PRDM14: variants seen among roughly 807,000 people sequenced by gnomAD.
PRDM14 encodes PR/SET domain 14.
In PRDM14, 16 loss-of-function variants were observed where a neutral mutation model predicts 48.0. The ratio of observed to expected loss-of-function variants is 0.33; its 90% CI spans 0.23 to 0.51. PRDM14 has a LOEUF of 0.51. Among genes scored for constraint, PRDM14 ranks in the 20% least tolerant of loss-of-function variants. PRDM14 has a pLI of 0.97. For missense variants in PRDM14, 566 were observed against 719.6 expected, an observed-to-expected ratio of 0.79 and a Z score of 2.44; for synonymous variants, 264 against 276.6, an observed-to-expected ratio of 0.95 and a Z score of 0.45.
chr8:70,063,510 T>C (rs1366216356), intron 5 of PRDM14, among the ~76,000 whole-genome samples: 1 of 151,940 alleles, frequency 6.6e-6, no homozygotes, highest in Non-Finnish European at 1.5e-5. Context: ...TCAAATCCAT[T>C]GTTCACTTTT....
chr8:70,058,994 G>A, intron 5 of PRDM14, 152 bp from the exon 6 acceptor site: 1 of 646,064 alleles, frequency 1.5e-6, no homozygotes, highest in Non-Finnish European at 2.5e-6. Flanking sequence ...TTGCTGTATT[G>A]CCCAGTCTGT....
chr8:70,056,157 C>T (rs1257611509), intron 6 of PRDM14, among the ~76,000 whole-genome samples: 1 of 152,168 alleles, frequency 6.6e-6, no homozygotes, highest in Non-Finnish European at 1.5e-5. Context: ...TTATCTGAGA[C>T]GTGTTGAACT....
At chr8:70,061,606 A>G (rs566677489) in intron 5 of PRDM14, among the ~76,000 whole-genome samples, 1 of 152,288 alleles carries the variant, frequency 6.6e-6, no homozygotes, top group African/African-American at 2.4e-5. Context: ...TTGGTCAGAA[A>G]TACCTGGCCT....
intron 4 of PRDM14, among the ~76,000 whole-genome samples, chr8:70,067,074 C>T (rs1456359132): frequency 6.6e-6 from 1 of 152,202 alleles, no homozygotes; most frequent in Non-Finnish European, 1.5e-5. Context: ...CACTTTCTTG[C>T]TTCCCAAATT....
intron 7 of PRDM14, among the ~76,000 whole-genome samples, chr8:70,053,090 CCT>C (rs1345604279): frequency 6.3e-5 from 8 of 126,368 alleles, no homozygotes; most frequent in African/African-American, 1.2e-4. Context: ...AGAGCAAGAC[CCT>C]CTCTTTAAAA....
chr8:70,069,116 C>A, intron 2 of PRDM14, 45 bp downstream of exon 2: 1 of 1,410,966 alleles, frequency 7.1e-7, no homozygotes, highest in Non-Finnish European at 9.4e-7. Flanking sequence ...TTCCCGCCTG[C>A]ATTCCCGTCC....
rs201811227 is a variant in PRDM14, at chr8:70,058,851, C to G, written c.1184-9G>C. ...GTAGCCTTCTGCAGACTCTGTCAAA[C>G]ACAGCAAACACAATGTCTCTTCAGT... On this transcript the variant is annotated splice_polypyrimidine_tract_variant and intron_variant, in intron 5 of 7. Transcript: ENST00000276594. The G allele has an allele frequency of 6.2e-7, 1 of 1,605,752 alleles. No individual in the cohort carries two copies. Among genetic ancestry groups the G allele is most frequent in the Non-Finnish European group, 8.5e-7 (1 of 1,172,470 alleles).
At chr8:70,058,939 T>C in intron 5 of PRDM14, 97 bp from the exon 6 acceptor site, 1 of 1,083,448 alleles carries the variant, frequency 9.2e-7, no homozygotes, top group Middle Eastern at 2.5e-4. Flanking sequence ...AGCCAAGAAT[T>C]CTTTGGCTAC....
At chr8:70,052,743 T>C (rs2131033202) in intron 7 of PRDM14, among the ~76,000 whole-genome samples, 1 of 151,824 alleles carries the variant, frequency 6.6e-6, no homozygotes, top group Non-Finnish European at 1.5e-5. Context: ...CGTGCACCTT[T>C]AATCCCAGCT....
Position 70,069,397 on chromosome 8 carries a change from G to A in PRDM14, c.464C>T (p.Ala155Val). Residue 155 changes from alanine (A) to valine (V), a missense_variant, in exon 2 of 8, where the codon GCG becomes GTG. Around this residue, in one of 3 missense-constraint regions of PRDM14, gnomAD observed 410 missense variants for 424.6 expected, o/e 0.97. Transcript: ENST00000276594. Reference sequence around the variant, plus strand: ...CCCCTCAGGTAACAGAGAAGCATCCGCAGGGGGCGGTGGAATTAAAGTGTC... The same window carrying A: ...CCCCTCAGGTAACAGAGAAGCATCCACAGGGGGCGGTGGAATTAAAGTGTC... The part of the protein sequence containing the change: ...GPDTLIPPPP[A>V]DASLLPEGLR... 2 of 1,609,138 alleles carry A rather than the reference G, an allele frequency of 1.2e-6. No individual in the cohort carries two copies. The highest frequency in any genetic ancestry group is 1.7e-5 in the Admixed American group (1 of 59,366).
Position 70,068,270 on chromosome 8 carries a change from C to T in PRDM14, c.872G>A (p.Ser291Asn). ...ATTGTCTCCGTAGGTCTTCACTTCA[C>T]TGGCATTGACCACTTTACCTTGAAA... is the stretch of plus-strand genomic sequence containing the variant. Reference protein sequence around the residue: ...GPFQGKVVNASEVKTYGDNSV... With the variant: ...GPFQGKVVNANEVKTYGDNSV... Residue 291 changes from serine to asparagine, a missense_variant, in exon 4 of 8, where the codon AGT becomes AAT. By Grantham distance (46) the Ser-to-Asn change is conservative. Coordinates refer to ENST00000276594, the MANE Select transcript of PRDM14 (RefSeq NM_024504.4). 1 of 1,614,230 alleles carries T rather than the reference C, an allele frequency of 6.2e-7. No homozygotes were observed. The highest frequency in any genetic ancestry group is 8.5e-7 in the Non-Finnish European group (1 of 1,180,048).
Position 70,069,504 on chromosome 8 carries a change from G to C in PRDM14, c.357C>G (p.His119Gln), listed in dbSNP as rs778027406. ...CTTCACTGCTGGCACCCGCGTACTC[G>C]TGGCTGCTGCTCAGGAAGGGCGGCA... Reference protein sequence around the residue: ...REVPPFLSSSHEYAGASSEDL... With the variant: ...REVPPFLSSSQEYAGASSEDL... The change falls in exon 2 of 8, where the codon CAC (histidine) becomes CAG (glutamine). Residue 119 changes from histidine to glutamine, a missense_variant. Physicochemically the swap from His to Gln is conservative, Grantham distance 24 (BLOSUM62 0). This residue lies in a region of PRDM14 where 410 missense variants were observed against 424.6 expected (regional missense o/e 0.97). Transcript: ENST00000276594. 4.4e-6 allele frequency: 7 copies of C among 1,594,150 alleles called. No individual in the cohort carries two copies. The highest frequency in any genetic ancestry group is 1.7e-4 in the Middle Eastern group (1 of 5,950).
chr8:70,055,492 T>C (rs3750226), intron 6 of PRDM14, 91 bp from the exon 7 acceptor site: 402,614 of 656,878 alleles, frequency 0.61, 125,125 homozygotes, highest in East Asian at 0.75. Context: ...AGAGAAGAAC[T>C]CTTTTCCAAT....
chr8:70,056,237 CCT>C, intron 6 of PRDM14, among the ~76,000 whole-genome samples: 1 of 152,338 alleles, frequency 6.6e-6, no homozygotes, highest in East Asian at 1.9e-4. Flanking sequence ...CCTGGCAACT[CCT>C]CTCGAAACTG....
At chr8:70,056,921 TC>T in intron 6 of PRDM14, among the ~76,000 whole-genome samples, 1 of 150,868 alleles carries the variant, frequency 6.6e-6, no homozygotes, top group Middle Eastern at 3.2e-3. Flanking sequence ...TCCTCATCAG[TC>T]CTGTCATCTA....
chr8:70,069,662 G>A lies in PRDM14; in HGVS notation c.199C>T (p.Pro67Ser), dbSNP rs369451337. Residue 67 changes from proline (P) to serine (S), a missense_variant, in exon 2 of 8, where the codon CCC becomes TCC. Pro to Ser is a moderately conservative substitution (Grantham distance 74, BLOSUM62 -1). This residue lies in a region of PRDM14 where 410 missense variants were observed against 424.6 expected (regional missense o/e 0.97). Transcript: ENST00000276594. ...EAAASAAPAM[P>S]PFPFRMAPPL... ...GGCGCCATCCGGAAGGGGAAGGGGGGCATGGCGGGGGCAGCAGACGCTGCG... is the reference window on the plus strand; with the variant it reads ...GGCGCCATCCGGAAGGGGAAGGGGGACATGGCGGGGGCAGCAGACGCTGCG... 1.3e-6 allele frequency: 2 copies of A among 1,565,480 alleles called. No individual in the cohort carries two copies. The highest frequency in any genetic ancestry group is 1.2e-5 in the South Asian group (1 of 86,184).
chr8:70,053,492 G>C (rs1805422274), intron 7 of PRDM14, among the ~76,000 whole-genome samples: 1 of 152,150 alleles, frequency 6.6e-6, no homozygotes, highest in Non-Finnish European at 1.5e-5. Flanking sequence ...CCAGGTTCAA[G>C]CGATTCTAGT....
intron 4 of PRDM14, among the ~76,000 whole-genome samples, chr8:70,066,719 A>T (rs1805675611): frequency 6.6e-6 from 1 of 152,102 alleles, no homozygotes; most frequent in African/African-American, 2.4e-5. Flanking sequence ...GTAATGTCAC[A>T]TATTGGGTTT....
intron 6 of PRDM14, among the ~76,000 whole-genome samples, chr8:70,058,057 C>T (rs1161640225): frequency 1.3e-5 from 2 of 152,118 alleles, no homozygotes; most frequent in African/African-American, 4.8e-5. Flanking sequence ...TACTTTTTTG[C>T]AGCAAGCCTA....
Sources: gnomAD v4.1 joint callset for allele counts (sites outside exome capture counted in the v4.1 genomes callset) on GRCh38, gnomAD v4.1.1 for gene constraint, gnomAD v4.1.1 regional missense constraint, MANE v1.5 for transcripts, NCBI Gene and HGNC (gene_info 2026-07-23, HGNC 2026-07-21) for gene names.